The following MFGE8 variants were observed in gnomAD, a reference collection of about 807,000 sequenced individuals.
MFGE8 encodes the protein lactadherin.
Under a neutral mutation model 42.6 loss-of-function variants are expected in MFGE8, and 34 were observed. That is an observed-to-expected ratio of 0.80 (90% CI 0.61 to 1.06). The LOEUF (loss-of-function observed/expected upper bound fraction) is 1.06, where lower values mean the gene tolerates loss of function less well. Among genes scored for constraint, MFGE8 ranks in the 50% least tolerant of loss-of-function variants. The pLI is 0.00. For synonymous variants in MFGE8, 230 were observed against 214.8 expected (o/e 1.07, Z -0.62); for missense variants, 510 against 516.9 (o/e 0.99, Z 0.13).
rs1375648040 is a variant in MFGE8, at chr15:88,899,762, G to C, written c.920C>G (p.Ala307Gly). The C allele has an allele frequency of 6.2e-7, 1 of 1,614,132 alleles. No homozygotes were observed. The highest frequency in any genetic ancestry group is 8.5e-7 in the Non-Finnish European group (1 of 1,180,000). ...AAACTGGACAGAGCCAAAGTTACGG[G>C]CCCCCTGGGTGATGATGCCTGTCAC... ...KEVTGIITQG[A>G]RNFGSVQFVA... is the part of the protein sequence containing the mutation. The change falls in exon 7 of 8, where the codon GCC becomes GGC. Residue 307 changes from alanine (A) to glycine (G), a missense_variant. Ala to Gly is a moderately conservative substitution (Grantham distance 60, BLOSUM62 0). Coordinates refer to ENST00000268150, the MANE Select transcript of MFGE8 (RefSeq NM_005928.4). This position sits in a 1 kb window ranked among gnomAD's most constrained non-coding sequence, Gnocchi z 6.8.
At chr15:88,907,731 G>A (rs1052018267) in intron 2 of MFGE8, among the ~76,000 whole-genome samples, 1 of 151,790 alleles carries the variant, frequency 6.6e-6, no homozygotes, top group Non-Finnish European at 1.5e-5. Context: ...TGTGGGAGGT[G>A]GCCTCGTTCA....
At chr15:88,900,462 C>T (rs901890356) in intron 6 of MFGE8, among the ~76,000 whole-genome samples, 9 of 152,166 alleles carry the variant, frequency 5.9e-5, no homozygotes, top group African/African-American at 9.7e-5. Flanking sequence ...AGGCTCCCTG[C>T]GGCGCCGCCC....
At chr15:88,912,556 G>A (rs549801995) in intron 1 of MFGE8, 2 of 985,386 alleles carry the variant, frequency 2.0e-6, no homozygotes, top group South Asian at 9.4e-5. Context: ...CCTGCAAGGG[G>A]CCCAGCTGGC....
At chr15:88,905,000 CAATT>C (rs1898601371) in intron 5 of MFGE8, 3 of 160,720 alleles carry the variant, frequency 1.9e-5, no homozygotes, top group East Asian at 1.8e-4. Context: ...TGGGCTGAGA[CAATT>C]AATGTCTGTC....
Position 88,899,579 on chromosome 15 carries a change from C to T in MFGE8, c.1027-47G>A. On this transcript the variant is annotated intron_variant, in intron 7 of 7. Coordinates refer to ENST00000268150, the MANE Select transcript of MFGE8 (RefSeq NM_005928.4). The surrounding 1 kb of genome is among the most constrained non-coding windows in gnomAD (Gnocchi z 6.8). ...GGAGGACCCCGAGCCAGCCCCCCTC[C>T]CCTCAGAGCCCCAGGCCAGACTCCC... 1 of 1,614,166 alleles carries T rather than the reference C, an allele frequency of 6.2e-7. No individual in the cohort carries two copies. The highest frequency in any genetic ancestry group is 8.5e-7 in the Non-Finnish European group (1 of 1,180,020).
intron 6 of MFGE8, among the ~76,000 whole-genome samples, chr15:88,901,294 CAT>C (rs1333240701): frequency 1.4e-3 from 198 of 142,634 alleles, no homozygotes; most frequent in Middle Eastern, 7.5e-3. Context: ...CATTCACACA[CAT>C]TCACACACTC....
rs1033119739 is a variant in MFGE8, at chr15:88,913,238, T to C, written c.73+9A>G. 1.2e-4 allele frequency: 187 copies of C among 1,502,400 alleles called. No homozygotes were observed. The highest frequency in any genetic ancestry group is 1.6e-4 in the Non-Finnish European group (178 of 1,133,212). 93.1% of individuals were successfully genotyped at this position (1,502,400 alleles called of 1,614,324 possible). On this transcript the variant is annotated intron_variant, in intron 1 of 7. Transcript: ENST00000268150. ...GGGCGAGGGGCAGAGGGCGGCGCGA[T>C]CCACTCACCCAGGGCGACGAGGAGG...
intron 6 of MFGE8, chr15:88,900,581 C>T (rs940685977): frequency 1.1e-5 from 4 of 368,744 alleles, no homozygotes; most frequent in East Asian, 1.6e-4. Context: ...GTCCCCGGTC[C>T]CTGACCTCCC....
intron 6 of MFGE8, 34 bp downstream of exon 6, chr15:88,901,517 A>AAACCAAAAAAGGGGTACCCCCAGGAC: frequency 9.3e-7 from 1 of 1,072,616 alleles, no homozygotes; most frequent in Non-Finnish European, 1.4e-6. Context: ...ATCCCACCCA[A>AAACCAAAAAAGGGGTACCCCCAGGAC]CCCCAGCCCC....
At chr15:88,907,538 T>C (rs1898750130) in intron 2 of MFGE8, among the ~76,000 whole-genome samples, 162 bp from the exon 3 acceptor site, 1 of 151,802 alleles carries the variant, frequency 6.6e-6, no homozygotes, top group Non-Finnish European at 1.5e-5. Flanking sequence ...AAAGGGACAA[T>C]GAAGGCAGTG....
chr15:88,909,891 C>G lies in MFGE8; in HGVS notation c.106G>C (p.Gly36Arg), dbSNP rs1277049307. Residue 36 changes from glycine to arginine, a missense_variant, in exon 2 of 8, where the codon GGT (glycine) becomes CGT (arginine). Physicochemically the swap from Gly to Arg is moderately radical, Grantham distance 125. Coordinates refer to ENST00000268150, the MANE Select transcript of MFGE8 (RefSeq NM_005928.4). The stretch of plus-strand genomic sequence containing the variant: ...TCTTGGGAAATCTCCTCGCATAAAC[C>G]ACCGTTGTGGCAGGGGTTTTTGGAA... ...ICSKNPCHNG[G>R]LCEEISQEVR... 1.2e-6 allele frequency: 2 copies of G among 1,614,106 alleles called. No individual in the cohort carries two copies. Among genetic ancestry groups the G allele is most frequent in the African/African-American group, 2.7e-5 (2 of 74,948 alleles).
rs751241938 is a variant in MFGE8 at position 88,912,276 on chromosome 15, G to C, written c.73+971C>G. On this transcript the variant is annotated intron_variant, in intron 1 of 7. Transcript: ENST00000268150. ...AGGTTGGGGGGTACAGGGAAGAGTA[G>C]AAAGGGGCTAAGAAGATCCAGCTGT... 8 of 1,289,208 alleles carry C rather than the reference G, an allele frequency of 6.2e-6. No homozygotes were observed. The Admixed American group carries it at 9.2e-5, about 15-fold the overall frequency. 79.9% of individuals were successfully genotyped at this position (1,289,208 alleles called of 1,614,324 possible). A position where few individuals can be genotyped will look rare whatever the true frequency, so the allele number is the denominator to read the frequency against.
intron 6 of MFGE8, among the ~76,000 whole-genome samples, chr15:88,900,419 G>C (rs775363195): frequency 2.0e-4 from 31 of 152,304 alleles, no homozygotes; most frequent in Admixed American, 3.9e-4. Flanking sequence ...GGACAGGAGA[G>C]GCCACAGCCT....
chr15:88,910,141 C>A, intron 1 of MFGE8: 1 of 534,206 alleles, frequency 1.9e-6, no homozygotes, highest in Non-Finnish European at 3.4e-6. Flanking sequence ...GGGAAGCGCC[C>A]AGCTTTCCAA....
intron 2 of MFGE8, among the ~76,000 whole-genome samples, chr15:88,908,280 G>A (rs4932449): frequency 0.36 from 55,287 of 152,040 alleles, 10,690 homozygotes; most frequent in African/African-American, 0.49. Context: ...AGGCGCGGAC[G>A]AGCTCAGTGT....
chr15:88,909,178 C>T (rs529463374), intron 2 of MFGE8, among the ~76,000 whole-genome samples: 1 of 152,298 alleles, frequency 6.6e-6, no homozygotes, highest in Admixed American at 6.5e-5. Flanking sequence ...CACCTAGGGC[C>T]ATTCTGTGGC....
At chr15:88,908,830 A>C (rs1253600437) in intron 2 of MFGE8, among the ~76,000 whole-genome samples, 1 of 152,108 alleles carries the variant, frequency 6.6e-6, no homozygotes, top group African/African-American at 2.4e-5. Context: ...GGGAGGTAAA[A>C]GGCATCCTAC....
chr15:88,911,407 AT>A (rs1043920275), intron 1 of MFGE8, among the ~76,000 whole-genome samples: 2 of 152,176 alleles, frequency 1.3e-5, no homozygotes, highest in Non-Finnish European at 2.9e-5. Context: ...CAAATCTGTC[AT>A]TTGGAGCAAG....
intron 6 of MFGE8, among the ~76,000 whole-genome samples, chr15:88,901,318 TTCAC>T (rs1435785481): frequency 7.0e-6 from 1 of 143,110 alleles, no homozygotes; most frequent in Non-Finnish European, 1.5e-5. Flanking sequence ...CACACACACA[TTCAC>T]ACACACACAC....
Sources: allele counts gnomAD v4.1 joint callset (sites outside exome capture counted in the v4.1 genomes callset), GRCh38; gene constraint gnomAD v4.1.1; non-coding constraint Gnocchi (gnomAD v3.1); transcripts MANE v1.5; gene names NCBI Gene and HGNC (gene_info 2026-07-23, HGNC 2026-07-21).